The following ACAP2 variants were observed in gnomAD, a reference collection of about 807,000 sequenced individuals.
ACAP2 encodes the protein arf-GAP with coiled-coil, ANK repeat and PH domain-containing protein 2.
ACAP2 carries 39 observed loss-of-function variants against 115.8 expected under a neutral mutation model. The ratio of observed to expected loss-of-function variants is 0.34; its 90% confidence interval spans 0.26 to 0.44. The LOEUF (loss-of-function observed/expected upper bound fraction) is 0.44, where lower values mean the gene tolerates loss of function less well. ACAP2 is among the 20% of genes least tolerant of loss of function. The pLI is 1.00. For missense variants in ACAP2, 662 were observed against 927.6 expected, an observed-to-expected ratio of 0.71 and a Z score of 3.72; for synonymous variants, 289 against 315.8, an observed-to-expected ratio of 0.92 and a Z score of 0.90.
At chr3:195,349,892 T>C in intron 4 of ACAP2, 1 of 259,330 alleles carries the variant, frequency 3.9e-6, no homozygotes, top group Non-Finnish European at 7.5e-6. Context: ...ACAAGCAATA[T>C]CTCATAGGAT....
rs568084040 is a variant in ACAP2 at position 195,359,105 on chromosome 3, ATAAT to A, written c.286-13792_286-13789del. ...CAAAAATATCCTTCAAACATGAAGG[ATAAT>A]TAAAGATTTTCCCAGACAAACAAAA... On this transcript the variant is annotated intron_variant, in intron 4 of 22. Transcript: ENST00000326793. 5.3e-5 allele frequency among the ~76,000 whole-genome samples: 8 copies of A among 152,310 alleles called. No homozygotes were observed. The East Asian group carries it at 1.5e-3, about 29-fold the overall frequency.
intron 1 of ACAP2, among the ~76,000 whole-genome samples, chr3:195,434,767 C>T (rs1715405407): frequency 6.6e-6 from 1 of 152,202 alleles, no homozygotes. Context: ...AATTAAATCT[C>T]TATTTTTTAT....
intron 10 of ACAP2, among the ~76,000 whole-genome samples, chr3:195,311,519 A>G (rs1034395393): frequency 6.6e-6 from 1 of 152,122 alleles, no homozygotes; most frequent in Non-Finnish European, 1.5e-5. Flanking sequence ...CCAAAATACA[A>G]GACAGTTTTC....
At chr3:195,301,420 A>C (rs550686281) in intron 15 of ACAP2, among the ~76,000 whole-genome samples, 155 bp downstream of exon 15, 3 of 152,174 alleles carry the variant, frequency 2.0e-5, no homozygotes, top group Non-Finnish European at 2.9e-5. Flanking sequence ...CAATGAAAAC[A>C]CCAGATTTGC....
chr3:195,292,983 T>G (rs1207553371), intron 18 of ACAP2, among the ~76,000 whole-genome samples: 1 of 151,736 alleles, frequency 6.6e-6, no homozygotes, highest in Non-Finnish European at 1.5e-5. Context: ...TTGCAATTTT[T>G]AAAAAATAAA....
intron 1 of ACAP2, among the ~76,000 whole-genome samples, chr3:195,421,112 T>G (rs1315557454): frequency 6.6e-6 from 1 of 152,200 alleles, no homozygotes; most frequent in African/African-American, 2.4e-5. Flanking sequence ...TAATGAATTA[T>G]ATGTAATTCA....
intron 1 of ACAP2, among the ~76,000 whole-genome samples, chr3:195,427,554 G>T (rs1426305924): frequency 6.6e-6 from 1 of 152,014 alleles, no homozygotes; most frequent in Non-Finnish European, 1.5e-5. Flanking sequence ...ATACAAACCT[G>T]TACAGTATAT....
intron 9 of ACAP2, 137 bp from the exon 10 acceptor site, chr3:195,320,950 G>T: frequency 1.8e-6 from 1 of 541,128 alleles, no homozygotes; most frequent in Non-Finnish European, 3.3e-6. Context: ...TAAGAAAAAT[G>T]AAGGGGGACT....
chr3:195,358,577 A>G (rs1732141235), intron 4 of ACAP2, among the ~76,000 whole-genome samples: 1 of 152,094 alleles, frequency 6.6e-6, no homozygotes, highest in African/African-American at 2.4e-5. Context: ...TGAAAAATGC[A>G]CTTGATATTT....
chr3:195,357,580 C>G (rs1336839202), intron 4 of ACAP2: 1 of 152,184 alleles, frequency 6.6e-6, no homozygotes, highest in Non-Finnish European at 1.5e-5. Flanking sequence ...ACGATGGCGG[C>G]GACAGGAGTG....
At chr3:195,424,859 T>C (rs1714540752) in intron 1 of ACAP2, among the ~76,000 whole-genome samples, 1 of 133,974 alleles carries the variant, frequency 7.5e-6, no homozygotes, top group African/African-American at 2.9e-5. Flanking sequence ...AAGGCTGCAG[T>C]AAGCCATGAT....
chr3:195,347,777 G>A (rs1731278953), intron 4 of ACAP2, among the ~76,000 whole-genome samples: 1 of 152,180 alleles, frequency 6.6e-6, no homozygotes, highest in Non-Finnish European at 1.5e-5. Flanking sequence ...GGAGCCCAAG[G>A]TTGGAGGATC....
intron 4 of ACAP2, among the ~76,000 whole-genome samples, chr3:195,366,168 C>T (rs1377605658): frequency 6.6e-6 from 1 of 152,110 alleles, no homozygotes; most frequent in African/African-American, 2.4e-5. Context: ...TAATTTGTTT[C>T]TCCAAACCTT....
intron 20 of ACAP2, among the ~76,000 whole-genome samples, chr3:195,290,924 G>A (rs1447267718): frequency 1.3e-5 from 2 of 152,000 alleles, no homozygotes; most frequent in African/African-American, 4.8e-5. Context: ...TACTAGGGGA[G>A]GATCGCTTGA....
At chr3:195,428,515 G>A (rs1714862026) in intron 1 of ACAP2, among the ~76,000 whole-genome samples, 1 of 151,990 alleles carries the variant, frequency 6.6e-6, no homozygotes, top group Admixed American at 6.6e-5. Context: ...AAATGCCACT[G>A]TGTTAAAATT....
intron 5 of ACAP2, among the ~76,000 whole-genome samples, chr3:195,343,472 T>G (rs1731002827): frequency 6.6e-6 from 1 of 152,190 alleles, no homozygotes; most frequent in Admixed American, 6.5e-5. Context: ...CAACATTGAT[T>G]TCTCATGCTG....
chr3:195,336,409 A>G (rs1577320076), intron 7 of ACAP2: 1 of 152,564 alleles, frequency 6.6e-6, no homozygotes, highest in Admixed American at 6.5e-5. Flanking sequence ...CTATTCATAT[A>G]AATCCTCAAT....
chr3:195,413,028 C>T, intron 1 of ACAP2: 1 of 277,818 alleles, frequency 3.6e-6, no homozygotes, highest in South Asian at 3.4e-5. Context: ...ACAGAAGATT[C>T]CATTTTAAAT....
At chr3:195,381,439 G>T (rs949055223) in intron 3 of ACAP2, among the ~76,000 whole-genome samples, 1 of 152,026 alleles carries the variant, frequency 6.6e-6, no homozygotes, top group African/African-American at 2.4e-5. Flanking sequence ...TCTCATGAAA[G>T]AAATATAACA....
Sources: gnomAD v4.1 joint callset for allele counts (sites outside exome capture counted in the v4.1 genomes callset) on GRCh38, gnomAD v4.1.1 for gene constraint, MANE v1.5 for transcripts, NCBI Gene and HGNC (gene_info 2026-07-23, HGNC 2026-07-21) for gene names.